Variants in FGF13 observed in about 807,000 individuals in gnomAD.
FGF13 encodes fibroblast growth factor homologous factor 2.
In FGF13, 2 loss-of-function variants were observed where a neutral mutation model predicts 19.5. The ratio of observed to expected loss-of-function variants is 0.10; its 90% CI spans 0.04 to 0.32. The LOEUF (loss-of-function observed/expected upper bound fraction) is 0.32, where lower values mean the gene tolerates loss of function less well. Ranked by LOEUF, FGF13 falls within the 10% of genes least tolerant of loss-of-function variation. The pLI is 1.00. For synonymous variants in FGF13, 72 were observed against 76.9 expected (o/e 0.94, Z 0.33); for missense variants, 113 against 192.7 (o/e 0.59, Z 2.45).
rs2089657776 is a variant in FGF13 at position 138,675,657 on chromosome X, CT to C, written c.402+27326del. Among the ~76,000 whole-genome samples the C allele has an allele frequency of 3.6e-5, 4 of 110,302 alleles. No homozygotes were observed. In the South Asian group the frequency reaches 1.1e-3, roughly 31 times the overall value. ...TGATTTATTATTCTTAATTTTACTC[CT>C]TTTTTCACATTGATGCAATTCTGAT... is the stretch of plus-strand genomic sequence containing the variant. On this transcript the variant is annotated intron_variant, in intron 3 of 4. Coordinates refer to ENST00000315930, the MANE Select transcript of FGF13 (RefSeq NM_004114.5).
intron 3 of FGF13, among the ~76,000 whole-genome samples, chrX:138,810,388 C>T (rs776961414): frequency 9.0e-6 from 1 of 111,261 alleles, no homozygotes; most frequent in African/African-American, 3.3e-5. Context: ...ACTGGCTAGC[C>T]ATATGTAGAA....
chrX:138,871,378 A>G (rs955779818), intron 1 of FGF13, among the ~76,000 whole-genome samples: 6 of 111,256 alleles, frequency 5.4e-5, no homozygotes, highest in Non-Finnish European at 9.4e-5. Context: ...ATGGGGGGGG[A>G]ACAGACAAAA....
At chrX:139,167,767 C>T (rs2084098373) in intron 1 of FGF13, among the ~76,000 whole-genome samples, 1 of 112,251 alleles carries the variant, frequency 8.9e-6, no homozygotes, top group South Asian at 3.7e-4. Context: ...AAGTCAGACA[C>T]ATTCCACTTA....
chrX:138,748,451 G>A (rs2090372219), intron 3 of FGF13, among the ~76,000 whole-genome samples: 1 of 111,128 alleles, frequency 9.0e-6, no homozygotes, highest in Non-Finnish European at 1.9e-5. Context: ...GCAAGAGGTG[G>A]CCATCTATAA....
At chrX:138,938,187 G>T (rs1343941922) in intron 1 of FGF13, among the ~76,000 whole-genome samples, 3 of 111,725 alleles carry the variant, frequency 2.7e-5, no homozygotes, top group Admixed American at 9.5e-5. Context: ...ACACCCAACA[G>T]CAGTCAACAG....
chrX:138,684,499 T>C (rs1038871779), intron 3 of FGF13, among the ~76,000 whole-genome samples: 11 of 111,799 alleles, frequency 9.8e-5, no homozygotes, highest in Non-Finnish European at 1.3e-4. Flanking sequence ...ATTGGTAAAA[T>C]ATTTACTTGG....
At chrX:139,163,386 C>T (rs1457239861) in intron 1 of FGF13, among the ~76,000 whole-genome samples, 1 of 109,894 alleles carries the variant, frequency 9.1e-6, no homozygotes, top group Non-Finnish European at 1.9e-5. Flanking sequence ...ACACTGGGGC[C>T]TGTCAGGGGG....
At chrX:139,108,190 G>T (rs1198466973) in intron 1 of FGF13, among the ~76,000 whole-genome samples, 1 of 112,133 alleles carries the variant, frequency 8.9e-6, no homozygotes, top group Non-Finnish European at 1.9e-5. Flanking sequence ...ATTTCTTGTT[G>T]TTTCCACATC....
chrX:138,782,153 A>G (rs1459930793), intron 3 of FGF13, among the ~76,000 whole-genome samples: 5 of 112,170 alleles, frequency 4.5e-5, no homozygotes, highest in Admixed American at 9.4e-5. Flanking sequence ...TTGATGGGAC[A>G]TATTTGAAAA....
At chrX:139,191,702 C>G (rs963076668) in intron 1 of FGF13, among the ~76,000 whole-genome samples, 1 of 111,378 alleles carries the variant, frequency 9.0e-6, no homozygotes, top group Non-Finnish European at 1.9e-5. Context: ...CTTCCACCTC[C>G]CATCACCACC....
rs2089054485 is a variant in FGF13, at chrX:138,625,518, T to TATA, written c.*7329_*7331dup. The TATA allele has an allele frequency of 1.1e-5, 1 of 94,247 alleles. No individual in the cohort carries two copies. Among genetic ancestry groups the TATA allele is most frequent in the South Asian group, 4.5e-4 (1 of 2,224 alleles). 7.8% of individuals were successfully genotyped at this position (94,247 alleles called of 1,213,427 possible). On this transcript the variant is annotated 3_prime_UTR_variant, in exon 5 of 5. Coordinates refer to ENST00000315930, the MANE Select transcript of FGF13 (RefSeq NM_004114.5). The stretch of plus-strand genomic sequence containing the variant: ...ATATACATATATATATATAATATAA[T>TATA]ATATATATATATCTTAGCCATATAA...
intron 1 of FGF13, among the ~76,000 whole-genome samples, chrX:138,954,068 G>A (rs1361202590): frequency 2.0e-5 from 2 of 98,596 alleles, no homozygotes; most frequent in Non-Finnish European, 2.0e-5. Context: ...ACCAAATATT[G>A]GTGCATTTCA....
chrX:138,972,265 T>TTTTG lies in FGF13; in HGVS notation c.-112-107619_-112-107616dup, dbSNP rs1363702875. Among the ~76,000 whole-genome samples the TTTTG allele has an allele frequency of 1.5e-4, 16 of 109,036 alleles. No homozygotes were observed. The East Asian group carries it at 4.6e-3, about 31-fold the overall frequency. 94.7% of individuals were successfully genotyped at this position (109,036 alleles called of 115,157 possible). Reference sequence around the variant, plus strand: ...TCATATGGTAGTTCTATTTTTTTTTTTTTGAGAAGTTTCCATACTGTTGAC... The same window carrying TTTTG: ...TCATATGGTAGTTCTATTTTTTTTTTTTTGTTTGAGAAGTTTCCATACTGTTGAC... On this transcript the variant is annotated intron_variant, in intron 1 of 2. Coordinates refer to the FGF13 transcript ENST00000421460.
At chrX:138,725,611 A>G (rs1192782733) in intron 1 of FGF13, among the ~76,000 whole-genome samples, 1 of 111,875 alleles carries the variant, frequency 8.9e-6, no homozygotes, top group Non-Finnish European at 1.9e-5. Context: ...ATGAATTTCA[A>G]GTCTGTACTT....
At chrX:138,949,160 T>C (rs1477230435) in intron 1 of FGF13, among the ~76,000 whole-genome samples, 2 of 112,006 alleles carry the variant, frequency 1.8e-5, no homozygotes, top group Non-Finnish European at 3.8e-5. Context: ...AAAGACATTA[T>C]ATTTGAGCTT....
intron 1 of FGF13, among the ~76,000 whole-genome samples, chrX:138,976,163 C>T (rs1353912942): frequency 2.7e-5 from 3 of 111,840 alleles, no homozygotes; most frequent in Non-Finnish European, 5.6e-5. Flanking sequence ...ACAAGGCTCA[C>T]ATTCCTCTGA....
upstream of FGF13, chrX:138,716,572 C>T (rs978533079): frequency 9.1e-6 from 1 of 110,491 alleles, no homozygotes. Context: ...CAGAGTAAGA[C>T]CCTGCCTCTA....
chrX:138,832,223 G>C (rs888657842), intron 3 of FGF13, among the ~76,000 whole-genome samples: 8 of 111,981 alleles, frequency 7.1e-5, no homozygotes, highest in African/African-American at 2.6e-4. Flanking sequence ...TTAGGTCTCT[G>C]AGAAATTGCC....
At chrX:138,737,856 C>T (rs776926959) in intron 1 of FGF13, among the ~76,000 whole-genome samples, 1 of 112,400 alleles carries the variant, frequency 8.9e-6, no homozygotes, top group Non-Finnish European at 1.9e-5. Flanking sequence ...TGTCCACCAC[C>T]TGGAAGGTGA....
Sources: allele counts gnomAD v4.1 joint callset (sites outside exome capture counted in the v4.1 genomes callset), GRCh38; gene constraint gnomAD v4.1.1; transcripts MANE v1.5; gene names NCBI Gene and HGNC (gene_info 2026-07-23, HGNC 2026-07-21).